AQP7: variants seen among roughly 807,000 people sequenced by gnomAD.
The protein encoded by AQP7 is aquaporin 7, also known as aquaporin-7.
In AQP7, 22 loss-of-function variants were observed where a neutral mutation model predicts 26.1. The ratio of observed to expected loss-of-function variants is 0.84; its 90% CI spans 0.60 to 1.20. The LOEUF (loss-of-function observed/expected upper bound fraction) is 1.20, where lower values mean the gene tolerates loss of function less well. Ranked by LOEUF, AQP7 falls within the 50% of genes most tolerant of loss-of-function variation. The pLI is 0.00. For synonymous variants in AQP7, 167 were observed against 181.7 expected (o/e 0.92, Z 0.65); for missense variants, 412 against 457.5 (o/e 0.90, Z 0.91).
chr9:33,385,759 G>GACCAC lies in AQP7; in HGVS notation c.628_632dup (p.Ile212TrpfsTer10). The GACCAC allele has an allele frequency of 6.2e-7, 1 of 1,613,768 alleles. No homozygotes were observed. Among genetic ancestry groups the GACCAC allele is most frequent in the Non-Finnish European group, 8.5e-7 (1 of 1,180,020 alleles). On this transcript the variant is annotated frameshift_variant, in exon 7 of 8. Transcript: ENST00000297988. LOFTEE classifies it high-confidence loss of function. ...TCATGCCAAGGGACACCCCGATGAT[G>GACCAC]ACCACGAGGATGCCTATCACCAGCG...
Position 33,396,438 on chromosome 9 carries a change from CAAAAAAAAA to C in AQP7, c.27-1252_27-1244del, listed in dbSNP as rs3055483. The stretch of plus-strand genomic sequence containing the variant: ...GGGCAACAAGAGCGAGACTCCATCT[CAAAAAAAAA>C]AAAAAAAAAAAAAGAGGAAGAAGAG... On this transcript the variant is annotated intron_variant, in intron 2 of 7. Transcript: ENST00000297988. 1.4e-3 allele frequency among the ~76,000 whole-genome samples: 44 copies of C among 30,892 alleles called. 1 individual carries two copies. The highest frequency in any genetic ancestry group is 0.017 in the Middle Eastern group (1 of 58). 20.3% of individuals were successfully genotyped at this position (30,892 alleles called of 152,430 possible).
rs146743129 is a variant in AQP7, at chr9:33,387,009, G to A, written c.228C>T (p.Phe76=). Residue 76 remains phenylalanine (F), a synonymous_variant, in exon 4 of 8, where the codon TTC becomes TTT. Coordinates refer to ENST00000297988, the MANE Select transcript of AQP7 (RefSeq NM_001170.3). ...SYLGVNLGFG[F]GVTMGVHVAG... Reference sequence around the variant, plus strand: ...CCACGTGCACTCCCATGGTGACTCCGAAGCCAAAACCCAAGTTGACACCAA... The same window carrying A: ...CCACGTGCACTCCCATGGTGACTCCAAAGCCAAAACCCAAGTTGACACCAA... 40 of 1,611,936 alleles carry A rather than the reference G, an allele frequency of 2.5e-5. No individual in the cohort carries two copies. In the East Asian group the frequency reaches 2.9e-4, roughly 12 times the overall value.
rs1425193024 is a variant in AQP7, at chr9:33,402,384, G to A, written c.-37C>T. The A allele has an allele frequency of 1.3e-5, 2 of 152,710 alleles. No individual in the cohort carries two copies. The highest frequency in any genetic ancestry group is 2.9e-5 in the Non-Finnish European group (2 of 68,108). 9.5% of individuals were successfully genotyped at this position (152,710 alleles called of 1,614,324 possible). A position where few individuals can be genotyped will look rare whatever the true frequency, so the allele number is the denominator to read the frequency against. On this transcript the variant is annotated 5_prime_UTR_variant, in exon 1 of 8. Coordinates refer to ENST00000297988, the MANE Select transcript of AQP7 (RefSeq NM_001170.3). ...GGAGCCCCACTCACTCTGCTGAAATGTCTCTGATTCTCAGCCTCCGCCTTG... is the reference window on the plus strand; with the variant it reads ...GGAGCCCCACTCACTCTGCTGAAATATCTCTGATTCTCAGCCTCCGCCTTG...
intron 3 of AQP7, among the ~76,000 whole-genome samples, chr9:33,388,852 TTTTG>T (rs1006288372): frequency 1.1e-4 from 17 of 152,016 alleles, no homozygotes; most frequent in African/African-American, 3.1e-4. Context: ...TGTGCCACTG[TTTTG>T]TTTGTTTGTT....
chr9:33,396,165 C>T (rs1250315382), intron 2 of AQP7, among the ~76,000 whole-genome samples: 2 of 152,070 alleles, frequency 1.3e-5, no homozygotes, highest in South Asian at 2.1e-4. Context: ...GGGCTGGGCC[C>T]GGTGGCTCAC....
In AQP7 at chr9:33,386,491, C is replaced by T. The variant is rs142586635; in HGVS notation, c.319G>A (p.Val107Met). Residue 107 changes from valine (V) to methionine (M), a missense_variant, in exon 5 of 8, where the codon GTG becomes ATG. Coordinates refer to ENST00000297988, the MANE Select transcript of AQP7 (RefSeq NM_001170.3). ...TAGACCGGAAACTTCCTCCAGGGCA[C>T]GCGGCCCAGCGCACAGTTAGCAAAG... ...VTFANCALGR[V>M]PWRKFPVYVL... 185 of 1,612,404 alleles carry T rather than the reference C, an allele frequency of 1.1e-4. No individual in the cohort carries two copies. The highest frequency in any genetic ancestry group is 7.1e-4 in the African/African-American group (53 of 75,052).
chr9:33,388,457 T>A (rs1825075967), intron 3 of AQP7, among the ~76,000 whole-genome samples: 1 of 152,176 alleles, frequency 6.6e-6, no homozygotes, highest in African/African-American at 2.4e-5. Context: ...CTCCTCCACT[T>A]CTAGGATAAA....
rs1825744397 is a variant in AQP7 at position 33,395,113 on chromosome 9, ACTCTCGCACCATCTTC to A, written c.93_108del (p.Arg31SerfsTer7). 1 of 1,613,600 alleles carries A rather than the reference ACTCTCGCACCATCTTC, an allele frequency of 6.2e-7. No homozygotes were observed. ...TATGTGCTCATGAACTCGGCCAGGA[ACTCTCGCACCATCTTC>A]CTCTGCAGTATTTCCTGGATCTTTG... is the stretch of plus-strand genomic sequence containing the variant. On this transcript the variant is annotated frameshift_variant, in exon 3 of 8. Coordinates refer to ENST00000297988, the MANE Select transcript of AQP7 (RefSeq NM_001170.3). LOFTEE classifies it high-confidence loss of function.
chr9:33,401,205 G>A (rs1379635301), intron 2 of AQP7, 32 bp downstream of exon 2: 2 of 1,548,390 alleles, frequency 1.3e-6, no homozygotes, highest in Admixed American at 3.9e-5. Context: ...AGGACAGGGG[G>A]CTGGAGGGTG....
chr9:33,401,199 C>T, intron 2 of AQP7, 38 bp downstream of exon 2: 1 of 1,547,892 alleles, frequency 6.5e-7, no homozygotes, highest in South Asian at 1.2e-5. Flanking sequence ...GGGTGAAGGA[C>T]AGGGGGCTGG....
rs1270938782 is a variant in AQP7 at position 33,386,137 on chromosome 9, A to C, written c.465T>G (p.Ala155=). The part of the protein sequence containing the change: ...QLMVTGPVAT[A]GIFATYLPDH... ...CAGGAAGGTAGGTGGCAAAAATGCC[A>C]GCTGTAGCGACGGGACCGGTCACCA... Residue 155 remains alanine (A), a synonymous_variant, in exon 6 of 8, where the codon GCT becomes GCG. Coordinates refer to ENST00000297988, the MANE Select transcript of AQP7 (RefSeq NM_001170.3). The C allele has an allele frequency of 2.5e-6, 4 of 1,613,994 alleles. No homozygotes were observed. The highest frequency in any genetic ancestry group is 1.1e-5 in the South Asian group (1 of 91,076).
intron 3 of AQP7, among the ~76,000 whole-genome samples, chr9:33,392,675 A>G: frequency 6.6e-6 from 1 of 152,146 alleles, no homozygotes; most frequent in East Asian, 1.9e-4. Context: ...ATGTCTTGTG[A>G]TAAGATCATT....
chr9:33,399,366 A>T (rs559803468), intron 2 of AQP7, among the ~76,000 whole-genome samples: 1 of 152,002 alleles, frequency 6.6e-6, no homozygotes, highest in Non-Finnish European at 1.5e-5. Flanking sequence ...AGGCCGAGGC[A>T]GGTGGATCAC....
chr9:33,398,051 G>C (rs1392090056), intron 2 of AQP7, among the ~76,000 whole-genome samples: 4 of 152,210 alleles, frequency 2.6e-5, no homozygotes, highest in African/African-American at 7.2e-5. Context: ...AGCTGAAAGA[G>C]TGGGCACCGT....
At chr9:33,395,232 A>G (rs1369859137) in intron 2 of AQP7, 37 bp from the exon 3 acceptor site, 1 of 1,564,400 alleles carries the variant, frequency 6.4e-7, no homozygotes, top group Admixed American at 1.7e-5. Context: ...CAGAAAGGAG[A>G]CTCAAGTCTG....
intron 2 of AQP7, among the ~76,000 whole-genome samples, chr9:33,395,964 C>T (rs1408221278): frequency 1.3e-5 from 2 of 152,206 alleles, no homozygotes; most frequent in Admixed American, 6.5e-5. Context: ...ATCTGTCTTA[C>T]TCCCAACTAG....
chr9:33,385,388 C>T (rs1824650842), intron 7 of AQP7, 98 bp from the exon 8 acceptor site: 1 of 1,380,138 alleles, frequency 7.2e-7, no homozygotes, highest in Non-Finnish European at 9.9e-7. Flanking sequence ...GGAGTCATCC[C>T]CAGGCTACCC....
intron 3 of AQP7, among the ~76,000 whole-genome samples, chr9:33,390,318 C>T (rs992869716): frequency 6.6e-6 from 1 of 151,844 alleles, no homozygotes; most frequent in Non-Finnish European, 1.5e-5. Context: ...AGGGGTCCTC[C>T]AGGAAGGAGA....
Position 33,389,040 on chromosome 9 carries a change from T to A in AQP7, c.145-1948A>T, listed in dbSNP as rs1287254610. Among the ~76,000 whole-genome samples the A allele has an allele frequency of 3.3e-5, 5 of 150,882 alleles. No individual in the cohort carries two copies. The South Asian group carries it at 8.5e-4, about 26-fold the overall frequency. On this transcript the variant is annotated intron_variant, in intron 3 of 7. Transcript: ENST00000297988. The stretch of plus-strand genomic sequence containing the variant: ...CCCAGCCAATTTTTTTTTTTTTTTT[T>A]TTTTTGAGACAGAGTCTTGCTCTGT...
Sources: gnomAD v4.1 joint callset for allele counts (sites outside exome capture counted in the v4.1 genomes callset) on GRCh38, gnomAD v4.1.1 for gene constraint, MANE v1.5 for transcripts, NCBI Gene and HGNC (gene_info 2026-07-23, HGNC 2026-07-21) for gene names.